KRT7: variants seen among roughly 807,000 people sequenced by gnomAD.
KRT7 encodes keratin, type II cytoskeletal 7.
KRT7 carries 50 observed loss-of-function variants against 42.8 expected under a neutral mutation model. The ratio of observed to expected loss-of-function variants is 1.17; its 90% CI spans 0.93 to 1.48. The LOEUF is 1.48. KRT7 is among the 40% of genes most tolerant of loss of function. KRT7 has a pLI of 0.00. For synonymous variants in KRT7, 268 were observed against 266.3 expected (o/e 1.01, Z -0.06); for missense variants, 588 against 637.6 (o/e 0.92, Z 0.84).
downstream of KRT7, chr12:52,248,946 A>C: frequency 2.0e-6 from 1 of 502,762 alleles, no homozygotes; most frequent in Middle Eastern, 5.4e-4. Flanking sequence ...TGGCTTCATG[A>C]GGCTGGGCAG....
At chr12:52,253,753 G>T (rs752512166), downstream of KRT7, 41 of 999,116 alleles carry the variant, frequency 4.1e-5, no homozygotes, top group Admixed American at 7.0e-4. Flanking sequence ...TGCGACTGGA[G>T]AACGCGGATC....
chr12:52,250,687 C>T, downstream of KRT7: 1 of 575,954 alleles, frequency 1.7e-6, no homozygotes, highest in East Asian at 3.4e-5. Context: ...CGGCCAGAGG[C>T]CCCTTCTGCT....
downstream of KRT7, among the ~76,000 whole-genome samples, chr12:52,254,927 C>T (rs1026745806): frequency 1.3e-5 from 2 of 152,172 alleles, no homozygotes; most frequent in Non-Finnish European, 2.9e-5. Flanking sequence ...CAAGGAATGA[C>T]GGTCACTGCC....
At chr12:52,240,930 C>T (rs545451586) in intron 4 of KRT7, among the ~76,000 whole-genome samples, 1 of 149,950 alleles carries the variant, frequency 6.7e-6, no homozygotes, top group Non-Finnish European at 1.5e-5. Context: ...CCCCTCCCCC[C>T]ACGCCCCCGA....
intron 6 of KRT7, chr12:52,244,262 C>T (rs1046167794): frequency 2.1e-6 from 2 of 947,730 alleles, no homozygotes; most frequent in Admixed American, 6.2e-5. Context: ...CGTGAGTCAC[C>T]CCATGAAGTG....
chr12:52,253,954 A>G (rs1292503622), downstream of KRT7, among the ~76,000 whole-genome samples: 1 of 152,082 alleles, frequency 6.6e-6, no homozygotes, highest in African/African-American at 2.4e-5. Flanking sequence ...TCCTGAGCCT[A>G]GAGGACTTGG....
chr12:52,253,069 G>A (rs1942290414), downstream of KRT7: 20 of 794,006 alleles, frequency 2.5e-5, no homozygotes, highest in South Asian at 1.1e-4. Context: ...AATGGAGAAC[G>A]TTTTCCATGG....
chr12:52,240,611 CAG>C (rs1411351503), intron 4 of KRT7, among the ~76,000 whole-genome samples: 1 of 149,742 alleles, frequency 6.7e-6, no homozygotes, highest in African/African-American at 2.5e-5. Context: ...GCTTGGGTGA[CAG>C]AGCAAAACTC....
chr12:52,253,205 TC>T, downstream of KRT7: 1 of 1,602,740 alleles, frequency 6.2e-7, no homozygotes, highest in East Asian at 2.2e-5. Context: ...TGGGCTGGGC[TC>T]CCATACCTGG....
chr12:52,250,812 T>C (rs1235041640), downstream of KRT7, among the ~76,000 whole-genome samples: 2 of 152,216 alleles, frequency 1.3e-5, no homozygotes, highest in African/African-American at 4.8e-5. Flanking sequence ...GTCCTCTCTA[T>C]AGGCAGACAT....
chr12:52,240,009 C>T (rs1942063506), intron 4 of KRT7, among the ~76,000 whole-genome samples: 1 of 152,150 alleles, frequency 6.6e-6, no homozygotes, highest in African/African-American at 2.4e-5. Context: ...CTAGTCTTTG[C>T]CTGAACGTCC....
downstream of KRT7, chr12:52,253,822 C>A: frequency 3.7e-6 from 2 of 547,776 alleles, no homozygotes; most frequent in South Asian, 2.9e-5. Context: ...CTCTTGGTAG[C>A]CCACCCTCAT....
intron 2 of KRT7, among the ~76,000 whole-genome samples, chr12:52,236,211 C>G (rs1239978080): frequency 6.9e-6 from 1 of 145,574 alleles, no homozygotes; most frequent in East Asian, 2.1e-4. Context: ...CCCCCCAACA[C>G]TCCCACTTCC....
chr12:52,245,082 T>A (rs1249929898), intron 6 of KRT7: 1 of 411,388 alleles, frequency 2.4e-6, no homozygotes, highest in African/African-American at 2.1e-5. Flanking sequence ...GCACTTGCTG[T>A]GTGCTAGACA....
chr12:52,247,997 T>G (rs1592397323), intron 7 of KRT7, 180 bp from the exon 8 acceptor site: 1 of 636,196 alleles, frequency 1.6e-6, no homozygotes. Context: ...AGGGCCAAGG[T>G]GAACACTCCC....
intron 4 of KRT7, 39 bp downstream of exon 4, chr12:52,238,814 C>A (rs376119902): frequency 8.0e-5 from 104 of 1,298,532 alleles, no homozygotes; most frequent in Admixed American, 3.4e-5. Flanking sequence ...CTTATCCTAC[C>A]CATTCTAACC....
At chr12:52,248,533 A>G in intron 8 of KRT7, 58 bp from the exon 9 acceptor site, 4 of 1,489,858 alleles carry the variant, frequency 2.7e-6, no homozygotes, top group Non-Finnish European at 3.6e-6. Context: ...CAGTGAAGGG[A>G]TGGGGTCCCT....
intron 2 of KRT7, 140 bp downstream of exon 2, chr12:52,235,506 G>A (rs556201801): frequency 1.3e-5 from 9 of 676,252 alleles, no homozygotes; most frequent in African/African-American, 1.3e-4. Context: ...GGCCAGTCTT[G>A]ACCAACACAT....
At chr12:52,253,670 C>T (rs752583917), downstream of KRT7, 7 of 1,486,826 alleles carry the variant, frequency 4.7e-6, no homozygotes. Flanking sequence ...GAGCTTTGAT[C>T]TCAGTGATGA....
Sources: allele counts gnomAD v4.1 joint callset (sites outside exome capture counted in the v4.1 genomes callset), GRCh38; gene constraint gnomAD v4.1.1; transcripts MANE v1.5; gene names NCBI Gene and HGNC (gene_info 2026-07-23, HGNC 2026-07-21).